The following PLEKHG4B variants were observed in gnomAD, a reference collection of about 807,000 sequenced individuals.
PLEKHG4B encodes pleckstrin homology domain-containing family G member 4B.
Under a neutral mutation model 121.3 loss-of-function variants are expected in PLEKHG4B, and 111 were observed. The ratio of observed to expected loss-of-function variants is 0.92; its 90% CI spans 0.78 to 1.07. PLEKHG4B has a LOEUF of 1.07. Ranked by LOEUF, PLEKHG4B falls within the 50% of genes least tolerant of loss-of-function variation. The pLI is 0.00. For missense variants in PLEKHG4B, 1,831 were observed against 1,757.8 expected (o/e 1.04, Z -0.74); for synonymous variants, 738 against 725.0 (o/e 1.02, Z -0.29).
Position 156,625 on chromosome 5 carries a change from C to A in PLEKHG4B, c.2349-148C>A. 1 of 1,114,500 alleles carries A rather than the reference C, an allele frequency of 9.0e-7. No individual in the cohort carries two copies. The highest frequency in any genetic ancestry group is 1.3e-6 in the Non-Finnish European group (1 of 795,512). The allele number at this position is 1,114,500 out of a possible 1,614,324, so 69.0% of individuals were successfully genotyped here. A position where few individuals can be genotyped will look rare whatever the true frequency, so the allele number is the denominator to read the frequency against. On this transcript the variant is annotated intron_variant, in intron 10 of 19. Transcript: ENST00000637938. This position sits in a 1 kb window ranked among gnomAD's most constrained non-coding sequence, Gnocchi z 4.4. ...GAACGCATGGAGCACATCTGTGCCCCGCCTCGGTTGTGGGCCTCCTCCTGG... is the reference window on the plus strand; with the variant it reads ...GAACGCATGGAGCACATCTGTGCCCAGCCTCGGTTGTGGGCCTCCTCCTGG...
At chr5:135,675 AAAAAAAAATATATATATAT>A (rs1418185017) in intron 2 of PLEKHG4B, among the ~76,000 whole-genome samples, 15 of 73,170 alleles carry the variant, frequency 2.1e-4, no homozygotes, top group East Asian at 6.6e-4. Flanking sequence ...CAAAAAAAAA[AAAAAAAAATATATATATAT>A]ATATATATAT....
intron 7 of PLEKHG4B, among the ~76,000 whole-genome samples, chr5:153,060 A>G (rs1187964482): frequency 6.6e-6 from 1 of 152,258 alleles, no homozygotes; most frequent in Non-Finnish European, 1.5e-5. Flanking sequence ...GTGTGAAAAC[A>G]GACTAATACA....
At chr5:135,721 ATATATATG>A (rs1734965140) in intron 2 of PLEKHG4B, among the ~76,000 whole-genome samples, 2 of 115,918 alleles carry the variant, frequency 1.7e-5, no homozygotes, top group Non-Finnish European at 3.5e-5. Flanking sequence ...ATATATATAT[ATATATATG>A]TATGTCAGTA....
At chr5:168,638 G>T (rs1265553325) in intron 13 of PLEKHG4B, among the ~76,000 whole-genome samples, 3 of 152,210 alleles carry the variant, frequency 2.0e-5, no homozygotes, top group African/African-American at 7.2e-5. Context: ...CAGTTAGGAA[G>T]CCTGGGAATC....
chr5:162,009 G>C, intron 12 of PLEKHG4B, 65 bp downstream of exon 12: 1 of 1,508,954 alleles, frequency 6.6e-7, no homozygotes, highest in African/African-American at 1.4e-5. Flanking sequence ...CATCTAGCAA[G>C]TGCCTCCCCT....
chr5:108,007 G>C (rs1428077671), intron 1 of PLEKHG4B, among the ~76,000 whole-genome samples: 2 of 152,158 alleles, frequency 1.3e-5, no homozygotes, highest in East Asian at 3.8e-4. Flanking sequence ...AGGAGGCCTC[G>C]AAACAGAGAC....
At chr5:145,345 G>C (rs1430057824) in intron 6 of PLEKHG4B, among the ~76,000 whole-genome samples, 1 of 151,918 alleles carries the variant, frequency 6.6e-6, no homozygotes, top group East Asian at 1.9e-4. Flanking sequence ...ACAGAGGCAG[G>C]AAGGGGCAGC....
chr5:118,855 CTTT>C (rs35448860), intron 2 of PLEKHG4B, among the ~76,000 whole-genome samples: 10 of 139,684 alleles, frequency 7.2e-5, no homozygotes, highest in African/African-American at 5.3e-5. Context: ...CCTCCTCCTT[CTTT>C]TTTTTTTTTT....
chr5:181,987 T>C lies in PLEKHG4B; in HGVS notation c.4565-17T>C, dbSNP rs2126469114. 1.2e-6 allele frequency: 2 copies of C among 1,609,846 alleles called. No individual in the cohort carries two copies. Among genetic ancestry groups the C allele is most frequent in the Middle Eastern group, 1.7e-4 (1 of 6,050 alleles). On this transcript the variant is annotated splice_polypyrimidine_tract_variant and intron_variant, in intron 19 of 19. Transcript: ENST00000637938. ...TGGAGCGGAAGCCAGCCTGACGTGCTTTCTGTCCCTTTCCAGAGTCACAAA... is the reference window on the plus strand; with the variant it reads ...TGGAGCGGAAGCCAGCCTGACGTGCCTTCTGTCCCTTTCCAGAGTCACAAA...
intron 1 of PLEKHG4B, among the ~76,000 whole-genome samples, chr5:104,710 GTC>G (rs1733923816): frequency 6.6e-6 from 1 of 152,240 alleles, no homozygotes; most frequent in African/African-American, 2.4e-5. Flanking sequence ...CTCAGGCAGA[GTC>G]TCTGATAAGT....
intron 1 of PLEKHG4B, among the ~76,000 whole-genome samples, chr5:111,938 A>G (rs1200131150): frequency 2.1e-5 from 3 of 145,232 alleles, no homozygotes; most frequent in East Asian, 3.9e-4. Flanking sequence ...GGGCCCACTC[A>G]TTCTCATGGA....
intron 12 of PLEKHG4B, 146 bp downstream of exon 12, chr5:162,090 G>A (rs578090027): frequency 5.1e-5 from 54 of 1,064,396 alleles, no homozygotes; most frequent in South Asian, 3.5e-4. Flanking sequence ...TGGCCACTGC[G>A]CCCACGGCTC....
At chr5:168,529 C>T (rs141319618) in intron 13 of PLEKHG4B, among the ~76,000 whole-genome samples, 20 of 152,290 alleles carry the variant, frequency 1.3e-4, no homozygotes, top group African/African-American at 4.8e-4. Flanking sequence ...ATTTCCACCA[C>T]AGCCTTCCTT....
At chr5:93,150 T>G (rs1375851821) in intron 1 of PLEKHG4B, among the ~76,000 whole-genome samples, 2 of 152,098 alleles carry the variant, frequency 1.3e-5, no homozygotes, top group African/African-American at 2.4e-5. Context: ...AATTTAAAAA[T>G]TAAGTTAAAT....
intron 18 of PLEKHG4B, among the ~76,000 whole-genome samples, chr5:178,012 C>T (rs1328953122): frequency 1.3e-5 from 2 of 151,568 alleles, no homozygotes; most frequent in South Asian, 2.1e-4. Context: ...TTGTAGGCAT[C>T]CCCATCTGAG....
At chr5:124,464 G>A (rs1246185144) in intron 2 of PLEKHG4B, among the ~76,000 whole-genome samples, 1 of 152,180 alleles carries the variant, frequency 6.6e-6, no homozygotes, top group Non-Finnish European at 1.5e-5. Flanking sequence ...TCTGTCCATT[G>A]ACAGTGAAAC....
chr5:162,993 C>T lies in PLEKHG4B; in HGVS notation c.2921C>T (p.Pro974Leu), dbSNP rs1736081828. Residue 974 changes from proline to leucine, a missense_variant, in exon 13 of 20, where the codon CCC becomes CTC. Transcript: ENST00000637938. Reference protein sequence around the residue: ...DPSLPPLAQSPPKHERAQEAM... With the variant: ...DPSLPPLAQSLPKHERAQEAM... Reference sequence around the variant, plus strand: ...AGCTTACCGCCCCTTGCCCAGAGCCCCCCAAAGCATGAGCGTGCCCAGGAG... The same window carrying T: ...AGCTTACCGCCCCTTGCCCAGAGCCTCCCAAAGCATGAGCGTGCCCAGGAG... 6.4e-7 allele frequency: 1 copy of T among 1,567,584 alleles called. No homozygotes were observed. The highest frequency in any genetic ancestry group is 1.2e-5 in the South Asian group (1 of 85,410).
chr5:144,779 A>C, intron 5 of PLEKHG4B, 48 bp from the exon 6 acceptor site: 25 of 1,514,032 alleles, frequency 1.7e-5, no homozygotes, highest in Non-Finnish European at 2.0e-5. Flanking sequence ...CGTTCTTGTA[A>C]GAGATTTAAC....
intron 1 of PLEKHG4B, among the ~76,000 whole-genome samples, chr5:109,927 C>A (rs1579242950): frequency 6.6e-6 from 1 of 151,982 alleles, no homozygotes; most frequent in Admixed American, 6.6e-5. Context: ...ACACAATCAG[C>A]AACACACGTG....
Sources: gnomAD v4.1 joint callset for allele counts (sites outside exome capture counted in the v4.1 genomes callset) on GRCh38, gnomAD v4.1.1 for gene constraint, Gnocchi (gnomAD v3.1) non-coding constraint, MANE v1.5 for transcripts, NCBI Gene and HGNC (gene_info 2026-07-23, HGNC 2026-07-21) for gene names.